The following CDH8 variants were observed in gnomAD, a reference collection of about 807,000 sequenced individuals.
The protein encoded by CDH8 is cadherin-8.
CDH8 carries 17 observed loss-of-function variants against 68.1 expected under a neutral mutation model. The observed-to-expected ratio is 0.25, with a 90% CI of 0.17 to 0.37. The LOEUF is 0.37. CDH8 is among the 10% of genes least tolerant of loss of function. The probability of loss-of-function intolerance (pLI) is 1.00; values close to 1 mark genes in which losing one functional copy is unlikely to be tolerated. For synonymous variants in CDH8, 372 were observed against 365.1 expected, an observed-to-expected ratio of 1.02 and a Z score of -0.21; for missense variants, 763 against 999.3, an observed-to-expected ratio of 0.76 and a Z score of 3.19.
At chr16:61,970,574 A>T (rs1234880297) in intron 2 of CDH8, among the ~76,000 whole-genome samples, 1 of 152,226 alleles carries the variant, frequency 6.6e-6, no homozygotes, top group Non-Finnish European at 1.5e-5. Flanking sequence ...AAAATAAATA[A>T]CTATTTTCCC....
At chr16:61,664,687 A>G (rs1476564130) in intron 10 of CDH8, among the ~76,000 whole-genome samples, 1 of 151,606 alleles carries the variant, frequency 6.6e-6, no homozygotes, top group Non-Finnish European at 1.5e-5. Context: ...GCTTAGGTTC[A>G]GATAGAAAGA....
intron 10 of CDH8, 144 bp from the exon 11 acceptor site, chr16:61,655,865 T>A: frequency 6.0e-6 from 4 of 667,918 alleles, no homozygotes; most frequent in Non-Finnish European, 9.9e-6. Flanking sequence ...CCCTGACTCG[T>A]CTCCGCACTT....
chr16:62,007,239 T>C (rs568491099), intron 2 of CDH8, among the ~76,000 whole-genome samples: 1 of 152,296 alleles, frequency 6.6e-6, no homozygotes, highest in South Asian at 2.1e-4. Flanking sequence ...TTTAGACAGA[T>C]GTAAACTGTC....
chr16:61,658,858 G>T (rs1963501513), intron 10 of CDH8, among the ~76,000 whole-genome samples: 1 of 151,976 alleles, frequency 6.6e-6, no homozygotes, highest in Non-Finnish European at 1.5e-5. Flanking sequence ...TATATTAAGA[G>T]AGTTATTTCT....
chr16:61,654,697 T>C (rs1353178163), intron 11 of CDH8, among the ~76,000 whole-genome samples: 2 of 152,154 alleles, frequency 1.3e-5, no homozygotes, highest in Non-Finnish European at 2.9e-5. Context: ...ACTAGTCAGA[T>C]GGGCCAAATC....
intron 2 of CDH8, among the ~76,000 whole-genome samples, chr16:62,019,182 AAAG>A (rs1404949063): frequency 6.6e-6 from 1 of 152,260 alleles, no homozygotes; most frequent in African/African-American, 2.4e-5. Context: ...AGGGCTGATT[AAAG>A]AAGTTCTGAA....
At chr16:61,723,984 AT>A (rs145875807) in intron 9 of CDH8, among the ~76,000 whole-genome samples, 8,892 of 150,212 alleles carry the variant, frequency 0.059, 592 homozygotes, top group East Asian at 0.24. Context: ...AAACTATCAG[AT>A]TTTTTTTTAA....
At chr16:62,017,231 T>A (rs1510167) in intron 2 of CDH8, among the ~76,000 whole-genome samples, 3 of 151,876 alleles carry the variant, frequency 2.0e-5, no homozygotes, top group Non-Finnish European at 4.4e-5. Flanking sequence ...GGAACTTGCA[T>A]CCTAGAAGAG....
intron 3 of CDH8, among the ~76,000 whole-genome samples, chr16:61,859,714 A>C (rs1392320988): frequency 6.6e-6 from 1 of 152,170 alleles, no homozygotes; most frequent in Non-Finnish European, 1.5e-5. Flanking sequence ...GTTAAACTGA[A>C]GGTAAACTGA....
In CDH8 at chr16:61,653,864, A is replaced by T; in HGVS notation, c.2144T>A (p.Val715Asp). The T allele has an allele frequency of 6.2e-7, 1 of 1,614,246 alleles. No homozygotes were observed. The highest frequency in any genetic ancestry group is 8.5e-7 in the Non-Finnish European group (1 of 1,180,040). The change falls in exon 12 of 12, where the codon GTT (valine) becomes GAT (aspartate). Residue 715 changes from valine to aspartate, a missense_variant. Coordinates refer to ENST00000577390, the MANE Select transcript of CDH8 (RefSeq NM_001796.5). The part of the protein sequence containing the change: ...QFMPRQGLAP[V>D]PNGVDVDEFI... ...TTCATCGACATCAACACCATTTGGAACTGGAGCAAGCCCTTGCCTTGGCAT... is the reference window on the plus strand; with the variant it reads ...TTCATCGACATCAACACCATTTGGATCTGGAGCAAGCCCTTGCCTTGGCAT...
Position 61,825,088 on chromosome 16 carries a change from A to G in CDH8, c.759T>C (p.Ser253=), listed in dbSNP as rs766184363. Residue 253 remains serine (S), a synonymous_variant, in exon 5 of 12, where the codon TCT becomes TCC. Transcript: ENST00000577390. The part of the protein sequence containing the change: ...VIQAKDMGGH[S]GGLSGTTTLT... ...GTGTCGTGGTCCCAGACAGGCCACC[A>G]GAGTGTCCACCCATATCTTTGGCTT... 4 of 1,611,984 alleles carry G rather than the reference A, an allele frequency of 2.5e-6. No individual in the cohort carries two copies. The highest frequency in any genetic ancestry group is 3.4e-6 in the Non-Finnish European group (4 of 1,178,626).
intron 3 of CDH8, among the ~76,000 whole-genome samples, chr16:61,878,530 C>T (rs1278576720): frequency 6.6e-6 from 1 of 152,078 alleles, no homozygotes; most frequent in Non-Finnish European, 1.5e-5. Context: ...AAAACAAAAA[C>T]TTCCTCATAG....
At chr16:61,743,618 A>G (rs1959937078) in intron 8 of CDH8, 1 of 152,026 alleles carries the variant, frequency 6.6e-6, no homozygotes. Flanking sequence ...AGTTTTGTTG[A>G]ATTTCACTAT....
chr16:62,001,536 G>A (rs1965894258), intron 2 of CDH8, among the ~76,000 whole-genome samples: 1 of 152,104 alleles, frequency 6.6e-6, no homozygotes, highest in African/African-American at 2.4e-5. Flanking sequence ...CTTTTGACTG[G>A]AGGCTTAACT....
intron 7 of CDH8, among the ~76,000 whole-genome samples, chr16:61,811,283 C>G (rs949236299): frequency 6.6e-5 from 10 of 152,072 alleles, no homozygotes; most frequent in Non-Finnish European, 1.2e-4. Flanking sequence ...GAATTAATTA[C>G]CATTAGTTGA....
At chr16:61,975,138 A>G (rs1965412322) in intron 2 of CDH8, among the ~76,000 whole-genome samples, 1 of 152,136 alleles carries the variant, frequency 6.6e-6, no homozygotes, top group Non-Finnish European at 1.5e-5. Context: ...AGACAGTCTC[A>G]AGAAGCCATA....
At chr16:62,023,274 C>A (rs1412207779) in intron 1 of CDH8, among the ~76,000 whole-genome samples, 1 of 152,004 alleles carries the variant, frequency 6.6e-6, no homozygotes, top group East Asian at 1.9e-4. Context: ...CTCTCTAGAC[C>A]CGAGCGAGAA....
chr16:61,690,487 CA>C (rs1266896142), intron 10 of CDH8, among the ~76,000 whole-genome samples: 1 of 151,978 alleles, frequency 6.6e-6, no homozygotes, highest in African/African-American at 2.4e-5. Context: ...TCATTTGTAT[CA>C]ATATGCATGA....
At chr16:61,973,912 C>G (rs969675164) in intron 2 of CDH8, among the ~76,000 whole-genome samples, 32 of 152,208 alleles carry the variant, frequency 2.1e-4, no homozygotes, top group Non-Finnish European at 4.6e-4. Context: ...TCACATGCTT[C>G]CCTTAGACTT....
Sources: allele counts gnomAD v4.1 joint callset (sites outside exome capture counted in the v4.1 genomes callset), GRCh38; gene constraint gnomAD v4.1.1; transcripts MANE v1.5; gene names NCBI Gene and HGNC (gene_info 2026-07-23, HGNC 2026-07-21).